C9: variants seen among roughly 807,000 people sequenced by gnomAD.
The protein encoded by C9 is complement component C9.
C9 carries 63 observed loss-of-function variants against 65.4 expected under a neutral mutation model. The observed-to-expected ratio is 0.96, with a 90% CI of 0.79 to 1.19. The LOEUF is 1.19. Ranked by LOEUF, C9 falls within the 50% of genes most tolerant of loss-of-function variation. The pLI is 0.00. For missense variants in C9, 744 were observed against 670.1 expected (o/e 1.11, Z -1.22); for synonymous variants, 229 against 227.9 (o/e 1.00, Z -0.04).
chr5:39,300,283 G>A (rs1753257515), intron 9 of C9, among the ~76,000 whole-genome samples: 1 of 152,046 alleles, frequency 6.6e-6, no homozygotes, highest in African/African-American at 2.4e-5. Flanking sequence ...ATGGTGGCAA[G>A]CACCTGTAAT....
intron 1 of C9, among the ~76,000 whole-genome samples, chr5:39,351,002 A>G (rs2111974453): frequency 6.6e-6 from 1 of 152,322 alleles, no homozygotes; most frequent in Admixed American, 6.5e-5. Flanking sequence ...CTGGACATCC[A>G]GGCATTTCTA....
At chr5:39,355,488 C>T (rs139157005) in intron 1 of C9, among the ~76,000 whole-genome samples, 1 of 151,958 alleles carries the variant, frequency 6.6e-6, no homozygotes, top group African/African-American at 2.4e-5. Context: ...GTATGACTCA[C>T]GCTTGGGACT....
intron 6 of C9, among the ~76,000 whole-genome samples, chr5:39,314,295 C>T (rs746538358): frequency 7.9e-5 from 12 of 151,850 alleles, no homozygotes; most frequent in Non-Finnish European, 1.8e-4. Context: ...ACTAAAAATA[C>T]AAAATTAGCC....
At chr5:39,299,082 C>A (rs1753237717) in intron 9 of C9, among the ~76,000 whole-genome samples, 1 of 151,806 alleles carries the variant, frequency 6.6e-6, no homozygotes, top group Non-Finnish European at 1.5e-5. Flanking sequence ...CAGCTAACAT[C>A]ATACTTAATG....
At chr5:39,310,067 A>G (rs1215386231) in intron 7 of C9, among the ~76,000 whole-genome samples, 1 of 152,138 alleles carries the variant, frequency 6.6e-6, no homozygotes, top group Non-Finnish European at 1.5e-5. Context: ...AAGTAACATT[A>G]CATTCCACTC....
At chr5:39,319,915 C>T (rs1333487845) in intron 5 of C9, among the ~76,000 whole-genome samples, 1 of 152,106 alleles carries the variant, frequency 6.6e-6, no homozygotes, top group Non-Finnish European at 1.5e-5. Flanking sequence ...CCCAGTGAAC[C>T]AAGGAACCAA....
At chr5:39,344,550 TG>T (rs1386543791) in intron 1 of C9, among the ~76,000 whole-genome samples, 3 of 152,180 alleles carry the variant, frequency 2.0e-5, no homozygotes, top group Non-Finnish European at 2.9e-5. Flanking sequence ...GTCTGATTGG[TG>T]TACCTGAAAG....
rs1407613505 is a variant in C9 at position 39,359,102 on chromosome 5, G to GTGTGTATATATATA, written c.77+5285_77+5286insTATATATATACACA. ...TGTATATATATATGTGTGTGTGTGT[G>GTGTGTATATATATA]TATATATATATATATATATATATGT... On this transcript the variant is annotated intron_variant, in intron 1 of 10. Coordinates refer to ENST00000263408, the MANE Select transcript of C9 (RefSeq NM_001737.5). Among the ~76,000 whole-genome samples the GTGTGTATATATATA allele has an allele frequency of 2.5e-3, 256 of 103,610 alleles. 4 individuals carry two copies. The highest frequency in any genetic ancestry group is 5.9e-3 in the Middle Eastern group (1 of 170). 68.0% of individuals were successfully genotyped at this position (103,610 alleles called of 152,430 possible).
At chr5:39,345,357 G>A (rs1579874759) in intron 1 of C9, among the ~76,000 whole-genome samples, 1 of 152,060 alleles carries the variant, frequency 6.6e-6, no homozygotes, top group African/African-American at 2.4e-5. Context: ...AACAAAAAAA[G>A]GCAGGGGTTG....
intron 9 of C9, among the ~76,000 whole-genome samples, chr5:39,305,589 T>A (rs1305374453): frequency 6.6e-6 from 1 of 152,112 alleles, no homozygotes; most frequent in Admixed American, 6.5e-5. Context: ...AAAAAGCACT[T>A]ACTAATAGTA....
chr5:39,359,676 G>C (rs1016403225), intron 1 of C9, among the ~76,000 whole-genome samples: 24 of 152,322 alleles, frequency 1.6e-4, no homozygotes, highest in South Asian at 2.1e-4. Flanking sequence ...GATTAGGCTA[G>C]AGCAGAGGAA....
intron 4 of C9, among the ~76,000 whole-genome samples, chr5:39,332,667 T>G (rs968132327): frequency 2.0e-5 from 3 of 152,234 alleles, no homozygotes; most frequent in Non-Finnish European, 4.4e-5. Flanking sequence ...GGATCAAATC[T>G]ATAACTTACC....
intron 1 of C9, among the ~76,000 whole-genome samples, chr5:39,362,471 G>A (rs1210017611): frequency 2.0e-5 from 3 of 152,158 alleles, no homozygotes; most frequent in Non-Finnish European, 4.4e-5. Flanking sequence ...GAGTATCGGA[G>A]GGAGCACGGC....
At chr5:39,291,315 T>A (rs1455847189) in intron 9 of C9, among the ~76,000 whole-genome samples, 1 of 151,502 alleles carries the variant, frequency 6.6e-6, no homozygotes, top group Non-Finnish European at 1.5e-5. Flanking sequence ...AAATAGCAAA[T>A]GTGATAAAAC....
intron 1 of C9, among the ~76,000 whole-genome samples, chr5:39,361,353 CGGAAAGTTATGAGTA>C (rs1186442094): frequency 1.3e-5 from 2 of 152,064 alleles, no homozygotes; most frequent in African/African-American, 4.8e-5. Flanking sequence ...ACAAATCTCA[CGGAAAGTTATGAGTA>C]GGGAAAGTAA....
intron 9 of C9, among the ~76,000 whole-genome samples, chr5:39,301,972 T>G (rs1753291876): frequency 6.6e-6 from 1 of 152,138 alleles, no homozygotes; most frequent in East Asian, 1.9e-4. Context: ...TTTTGATTTT[T>G]TTTTAAAGAA....
chr5:39,333,579 T>TCTCCCTCTCCCTCTCCCTCTCCCC, intron 4 of C9, among the ~76,000 whole-genome samples: 1 of 138,556 alleles, frequency 7.2e-6, no homozygotes, highest in African/African-American at 2.9e-5. Flanking sequence ...TCCCTCTCCC[T>TCTCCCTCTCCCTCTCCCTCTCCCC]CTCCGTCTCC....
At chr5:39,327,063 C>CA (rs142779974) in intron 5 of C9, among the ~76,000 whole-genome samples, 4,563 of 151,946 alleles carry the variant, frequency 0.03, 214 homozygotes, top group African/African-American at 0.1. Flanking sequence ...AAATATATAC[C>CA]AAATAGAGAA....
intron 7 of C9, among the ~76,000 whole-genome samples, chr5:39,308,949 T>C (rs155377): frequency 0.42 from 63,261 of 151,878 alleles, 13,883 homozygotes; most frequent in East Asian, 0.64. Context: ...CTGATCCTCT[T>C]TGGAAGACTC....
Sources: gnomAD v4.1 joint callset for allele counts (sites outside exome capture counted in the v4.1 genomes callset) on GRCh38, gnomAD v4.1.1 for gene constraint, MANE v1.5 for transcripts, NCBI Gene and HGNC (gene_info 2026-07-23, HGNC 2026-07-21) for gene names.